The following SP4 variants were observed in gnomAD, a reference collection of about 807,000 sequenced individuals.
SP4 encodes the protein transcription factor Sp4.
A neutral mutation model predicts 72.8 loss-of-function variants in SP4; 19 were observed. The observed-to-expected ratio is 0.26, with a 90% confidence interval of 0.18 to 0.38. SP4 has a LOEUF of 0.38. SP4 is among the 10% of genes least tolerant of loss of function. SP4 has a pLI of 1.00. For missense variants in SP4, 1,008 were observed against 926.3 expected, an observed-to-expected ratio of 1.09 and a Z score of -1.14; for synonymous variants, 395 against 333.1, an observed-to-expected ratio of 1.19 and a Z score of -2.02.
At chr7:21,470,370 T>C (rs1191062005) in intron 3 of SP4, among the ~76,000 whole-genome samples, 1 of 152,182 alleles carries the variant, frequency 6.6e-6, no homozygotes, top group Non-Finnish European at 1.5e-5. Context: ...GTCTTACTAG[T>C]AAGACCAGAA....
At chr7:21,444,350 A>G (rs1433290846) in intron 3 of SP4, among the ~76,000 whole-genome samples, 1 of 152,230 alleles carries the variant, frequency 6.6e-6, no homozygotes, top group Non-Finnish European at 1.5e-5. Flanking sequence ...GCTGACATTT[A>G]CTGCACGTTT....
Position 21,500,746 on chromosome 7 carries a change from CT to C in SP4, c.2108-10275del, listed in dbSNP as rs142822521. Among the ~76,000 whole-genome samples the C allele has an allele frequency of 3.0e-3, 464 of 152,296 alleles. 3 individuals are homozygous for C. The highest frequency in any genetic ancestry group is 0.011 in the African/African-American group (449 of 41,558). On this transcript the variant is annotated intron_variant, in intron 5 of 5. Coordinates refer to ENST00000222584, the MANE Select transcript of SP4 (RefSeq NM_003112.5). ...ACTATTCTAATCTCCCTGATTCTAG[CT>C]AAAGAAAGCTCTTCGCTTTTAAGAA...
chr7:21,474,110 G>A (rs556274352), intron 3 of SP4, among the ~76,000 whole-genome samples: 1 of 152,312 alleles, frequency 6.6e-6, no homozygotes, highest in East Asian at 1.9e-4. Flanking sequence ...GGCTTGAGGA[G>A]TGTGTCAAGG....
chr7:21,484,257 A>G (rs550147696), intron 5 of SP4, among the ~76,000 whole-genome samples: 3 of 152,052 alleles, frequency 2.0e-5, no homozygotes, highest in South Asian at 2.1e-4. Flanking sequence ...GCACAATGCA[A>G]TACTTCGGGG....
At chr7:21,450,904 T>G (rs970873802) in intron 3 of SP4, among the ~76,000 whole-genome samples, 2 of 152,196 alleles carry the variant, frequency 1.3e-5, no homozygotes, top group Non-Finnish European at 2.9e-5. Context: ...TTAAAAAGTT[T>G]TAGGGCAGGA....
chr7:21,471,855 A>G (rs779011326), intron 3 of SP4, among the ~76,000 whole-genome samples: 8 of 152,182 alleles, frequency 5.3e-5, no homozygotes, highest in Non-Finnish European at 1.0e-4. Context: ...AATTTGGGAC[A>G]GTAATATTTA....
intron 4 of SP4, among the ~76,000 whole-genome samples, chr7:21,478,265 T>TTG: frequency 6.6e-6 from 1 of 152,340 alleles, no homozygotes; most frequent in East Asian, 1.9e-4. Flanking sequence ...ATCCTGTCAA[T>TTG]TGAAGGACAT....
chr7:21,482,773 A>G (rs147729246), intron 5 of SP4: 38 of 976,270 alleles, frequency 3.9e-5, no homozygotes, highest in Non-Finnish European at 4.5e-5. Context: ...ATGAAATGTT[A>G]CAATGTTGCA....
intron 3 of SP4, among the ~76,000 whole-genome samples, chr7:21,474,145 C>G (rs1206720844): frequency 6.6e-6 from 1 of 152,144 alleles, no homozygotes; most frequent in Admixed American, 6.5e-5. Flanking sequence ...CCAGAGGGAT[C>G]AGGAATCTCT....
chr7:21,503,046 C>T (rs932569272), intron 5 of SP4, among the ~76,000 whole-genome samples: 5 of 152,192 alleles, frequency 3.3e-5, no homozygotes, highest in South Asian at 2.1e-4. Context: ...TGCAGCTGTT[C>T]GCATGGCTGT....
chr7:21,507,833 A>T (rs1782040282), intron 5 of SP4, among the ~76,000 whole-genome samples: 1 of 151,680 alleles, frequency 6.6e-6, no homozygotes, highest in African/African-American at 2.4e-5. Context: ...TTTCTTGCAC[A>T]CCCATGGAAT....
intron 3 of SP4, among the ~76,000 whole-genome samples, chr7:21,439,317 CT>C (rs59341424): frequency 0.69 from 105,229 of 151,570 alleles, 37,511 homozygotes; most frequent in African/African-American, 0.87. Flanking sequence ...ATCTGTATGC[CT>C]TTTTTTTTAA....
intron 5 of SP4, among the ~76,000 whole-genome samples, chr7:21,485,081 T>G (rs1209942882): frequency 6.6e-6 from 1 of 151,912 alleles, no homozygotes; most frequent in Non-Finnish European, 1.5e-5. Flanking sequence ...ATACTTAAAA[T>G]TGTTACTTTT....
chr7:21,428,199 C>CCCCCCCCCCACA lies in SP4; in HGVS notation c.-53_-52insCCCCCCCCCACA. 1 of 1,119,136 alleles carries CCCCCCCCCCACA rather than the reference C, an allele frequency of 8.9e-7. No individual in the cohort carries two copies. The highest frequency in any genetic ancestry group is 1.3e-6 in the Non-Finnish European group (1 of 767,808). 69.3% of individuals were successfully genotyped at this position (1,119,136 alleles called of 1,614,324 possible). A position where few individuals can be genotyped will look rare whatever the true frequency, so the allele number is the denominator to read the frequency against. ...TCTCCTCCCGCCTCGCCCCCACCCC[C>CCCCCCCCCCACA]ACCCACCTCTATCCCAGTGTCTCCG... On this transcript the variant is annotated 5_prime_UTR_variant, in exon 1 of 6. Coordinates refer to ENST00000222584, the MANE Select transcript of SP4 (RefSeq NM_003112.5).
chr7:21,460,053 A>T (rs1220188594), intron 3 of SP4, among the ~76,000 whole-genome samples: 1 of 152,222 alleles, frequency 6.6e-6, no homozygotes, highest in African/African-American at 2.4e-5. Context: ...CAGAAATAAA[A>T]GACTCCATGA....
At chr7:21,432,677 C>T (rs1782904591) in intron 3 of SP4, among the ~76,000 whole-genome samples, 1 of 152,136 alleles carries the variant, frequency 6.6e-6, no homozygotes, top group South Asian at 2.1e-4. Flanking sequence ...GCCTTTCAAA[C>T]AAACTTTCCA....
intron 5 of SP4, among the ~76,000 whole-genome samples, chr7:21,485,203 A>C (rs1264488267): frequency 6.6e-6 from 1 of 151,978 alleles, no homozygotes; most frequent in Non-Finnish European, 1.5e-5. Context: ...TGAAAGCCTT[A>C]ACCATTCGTA....
chr7:21,461,421 C>T (rs943095212), intron 3 of SP4, among the ~76,000 whole-genome samples: 2 of 152,190 alleles, frequency 1.3e-5, no homozygotes, highest in South Asian at 4.1e-4. Flanking sequence ...TCGAGCGCAG[C>T]GCCAGTGGGC....
intron 5 of SP4, among the ~76,000 whole-genome samples, chr7:21,487,448 T>C (rs1393100080): frequency 6.6e-6 from 1 of 151,058 alleles, no homozygotes; most frequent in African/African-American, 2.4e-5. Context: ...TTTTCTCTTA[T>C]ATCTTTTGTC....
Sources: allele counts gnomAD v4.1 joint callset (sites outside exome capture counted in the v4.1 genomes callset), GRCh38; gene constraint gnomAD v4.1.1; transcripts MANE v1.5; gene names NCBI Gene and HGNC (gene_info 2026-07-23, HGNC 2026-07-21).